The following FSTL5 variants were observed in gnomAD, a reference collection of about 807,000 sequenced individuals.
FSTL5 encodes the protein follistatin like 5, also known as follistatin-related protein 5.
FSTL5 carries 62 observed loss-of-function variants against 89.1 expected under a neutral mutation model. The ratio of observed to expected loss-of-function variants is 0.70; its 90% confidence interval spans 0.57 to 0.86. FSTL5 has a LOEUF of 0.86. Among genes scored for constraint, FSTL5 ranks in the 40% least tolerant of loss-of-function variants. FSTL5 has a pLI of 0.00. For missense variants in FSTL5, 1,057 were observed against 1,001.6 expected (o/e 1.06, Z -0.75); for synonymous variants, 383 against 346.2 (o/e 1.11, Z -1.18).
At chr4:161,688,107 G>A (rs899346413) in intron 6 of FSTL5, among the ~76,000 whole-genome samples, 2 of 152,174 alleles carry the variant, frequency 1.3e-5, no homozygotes, top group Non-Finnish European at 2.9e-5. Context: ...TTAAGAGACA[G>A]AGTCTCCCTC....
intron 6 of FSTL5, among the ~76,000 whole-genome samples, chr4:161,686,820 T>A (rs997523002): frequency 6.6e-6 from 1 of 152,144 alleles, no homozygotes; most frequent in East Asian, 1.9e-4. Context: ...TAAATAAAAT[T>A]ATTTTATAGA....
At chr4:161,440,271 C>T (rs956057173) in intron 15 of FSTL5, among the ~76,000 whole-genome samples, 1 of 152,100 alleles carries the variant, frequency 6.6e-6, no homozygotes, top group Admixed American at 6.6e-5. Flanking sequence ...AGACCAATAT[C>T]ACATATCTGG....
At chr4:161,602,716 G>A (rs1734292963) in intron 7 of FSTL5, among the ~76,000 whole-genome samples, 1 of 152,090 alleles carries the variant, frequency 6.6e-6, no homozygotes, top group Non-Finnish European at 1.5e-5. Flanking sequence ...AAAGTCATAA[G>A]ACAATAAAGA....
chr4:161,884,619 T>C (rs569969348), intron 4 of FSTL5, among the ~76,000 whole-genome samples: 2 of 152,296 alleles, frequency 1.3e-5, no homozygotes, highest in East Asian at 3.9e-4. Context: ...GGGTTTATAT[T>C]TCCTATTGTT....
intron 4 of FSTL5, among the ~76,000 whole-genome samples, chr4:161,871,378 A>G (rs1732257220): frequency 6.6e-6 from 1 of 152,108 alleles, no homozygotes; most frequent in Admixed American, 6.6e-5. Context: ...TTGTAGATAA[A>G]TTAATTATTA....
chr4:161,685,932 G>A (rs2126713465), intron 6 of FSTL5, among the ~76,000 whole-genome samples: 1 of 152,174 alleles, frequency 6.6e-6, no homozygotes, highest in African/African-American at 2.4e-5. Flanking sequence ...TGTGTCCCTT[G>A]TAGGCCAATT....
chr4:161,402,050 C>G (rs1393857745), intron 15 of FSTL5, among the ~76,000 whole-genome samples: 1 of 151,964 alleles, frequency 6.6e-6, no homozygotes, highest in Non-Finnish European at 1.5e-5. Flanking sequence ...TTTCATATCT[C>G]TATATGACCA....
At chr4:162,033,545 T>C in intron 3 of FSTL5, 80 bp downstream of exon 3, 1 of 719,254 alleles carries the variant, frequency 1.4e-6, no homozygotes. Flanking sequence ...TTTGACTTTT[T>C]ATTCAAAGTA....
intron 3 of FSTL5, among the ~76,000 whole-genome samples, chr4:161,962,234 T>G (rs1268568360): frequency 6.6e-6 from 1 of 151,972 alleles, no homozygotes; most frequent in African/African-American, 2.4e-5. Context: ...AGATTTACAT[T>G]TTGACTATTT....
intron 15 of FSTL5, among the ~76,000 whole-genome samples, chr4:161,453,732 C>T (rs1197453257): frequency 6.6e-6 from 1 of 152,074 alleles, no homozygotes; most frequent in Non-Finnish European, 1.5e-5. Flanking sequence ...GCAGCTGGGA[C>T]TACAGACATG....
At position 161,971,453 on chromosome 4, in the gene FSTL5, T is replaced by C. The variant is rs138595232; in HGVS notation, c.161-50801A>G. On this transcript the variant is annotated intron_variant, in intron 3 of 15. Coordinates refer to ENST00000306100, the MANE Select transcript of FSTL5 (RefSeq NM_020116.5). Reference sequence around the variant, plus strand: ...ATTCCTTATATTCACATCTATTAATTATATTCATGTTTCCTCTCTCCAACA... The same window carrying C: ...ATTCCTTATATTCACATCTATTAATCATATTCATGTTTCCTCTCTCCAACA... 7.2e-3 allele frequency among the ~76,000 whole-genome samples: 1,091 copies of C among 152,240 alleles called. 18 individuals are homozygous for C. Among genetic ancestry groups the C allele is most frequent in the African/African-American group, 0.023 (973 of 41,554 alleles).
chr4:161,603,707 T>C (rs902255989), intron 7 of FSTL5, among the ~76,000 whole-genome samples: 1 of 151,972 alleles, frequency 6.6e-6, no homozygotes, highest in Non-Finnish European at 1.5e-5. Context: ...GTAATATACA[T>C]GACATGGATG....
At chr4:161,946,788 A>G (rs1734745901) in intron 3 of FSTL5, among the ~76,000 whole-genome samples, 1 of 152,120 alleles carries the variant, frequency 6.6e-6, no homozygotes, top group East Asian at 1.9e-4. Flanking sequence ...GGGTCATAAG[A>G]CAGTTAATTT....
In FSTL5 at chr4:162,029,156, A is replaced by AGAGAG. The variant is rs941679633; in HGVS notation, c.160+4464_160+4468dup. ...GTATATGTACATGAGGGAGAGAGAG[A>AGAGAG]GAGAGAGAGAGTGTGTGTGTGTGTG... On this transcript the variant is annotated intron_variant, in intron 3 of 15. Transcript: ENST00000306100. Among the ~76,000 whole-genome samples, 25 of 109,006 alleles carry AGAGAG rather than the reference A, an allele frequency of 2.3e-4. No individual in the cohort carries two copies. The East Asian group carries it at 6.5e-3, about 28-fold the overall frequency. 71.5% of individuals were successfully genotyped at this position (109,006 alleles called of 152,430 possible).
intron 10 of FSTL5, among the ~76,000 whole-genome samples, chr4:161,532,806 T>C (rs1731464003): frequency 1.3e-5 from 2 of 152,174 alleles, no homozygotes; most frequent in South Asian, 4.1e-4. Flanking sequence ...CTTTTGCCCA[T>C]GGATTGCCCA....
At chr4:161,676,796 T>A (rs1737321730) in intron 6 of FSTL5, among the ~76,000 whole-genome samples, 1 of 150,902 alleles carries the variant, frequency 6.6e-6, no homozygotes, top group African/African-American at 2.4e-5. Context: ...TATACAAAAA[T>A]AATTGCTTTC....
Position 162,121,524 on chromosome 4 carries a change from T to G in FSTL5, c.-16-10112A>C, listed in dbSNP as rs78257616. ...TCTGCCTTCAGAACTGGGGATTATG[T>G]ATGTTGGTATACACACAGAATGGAC... On this transcript the variant is annotated intron_variant, in intron 1 of 15. Coordinates refer to ENST00000306100, the MANE Select transcript of FSTL5 (RefSeq NM_020116.5). 9.7e-3 allele frequency among the ~76,000 whole-genome samples: 1,475 copies of G among 152,144 alleles called. 27 individuals carry two copies. The highest frequency in any genetic ancestry group is 0.034 in the African/African-American group (1,417 of 41,542).
At chr4:162,010,351 T>C (rs1313890892) in intron 3 of FSTL5, among the ~76,000 whole-genome samples, 1 of 152,160 alleles carries the variant, frequency 6.6e-6, no homozygotes, top group East Asian at 1.9e-4. Context: ...AGAGATACAT[T>C]TGATTCTTAA....
chr4:162,025,651 A>G (rs1737251492), intron 3 of FSTL5, among the ~76,000 whole-genome samples: 1 of 152,114 alleles, frequency 6.6e-6, no homozygotes, highest in Admixed American at 6.6e-5. Flanking sequence ...GTAGAATGAT[A>G]TTATTACTTA....
Sources: allele counts gnomAD v4.1 joint callset (sites outside exome capture counted in the v4.1 genomes callset), GRCh38; gene constraint gnomAD v4.1.1; transcripts MANE v1.5; gene names NCBI Gene and HGNC (gene_info 2026-07-23, HGNC 2026-07-21).